CTTNBP2NL: variants seen among roughly 807,000 people sequenced by gnomAD.
CTTNBP2NL encodes the protein CTTNBP2 N-terminal like.
Under a neutral mutation model 32.5 loss-of-function variants are expected in CTTNBP2NL, and 16 were observed. The ratio of observed to expected loss-of-function variants is 0.49; its 90% confidence interval spans 0.33 to 0.75. The LOEUF is 0.75. Among genes scored for constraint, CTTNBP2NL ranks in the 30% least tolerant of loss-of-function variants. The probability of loss-of-function intolerance (pLI) is 0.02; values close to 1 mark genes in which losing one functional copy is unlikely to be tolerated. For synonymous variants in CTTNBP2NL, 298 were observed against 289.4 expected (o/e 1.03, Z -0.30); for missense variants, 645 against 756.0 (o/e 0.85, Z 1.72).
intron 3 of CTTNBP2NL, among the ~76,000 whole-genome samples, chr1:112,436,762 C>T (rs1028831445): frequency 6.6e-6 from 1 of 152,054 alleles, no homozygotes; most frequent in African/African-American, 2.4e-5. Context: ...TTTCATCACC[C>T]CTAGTACCCT....
intron 3 of CTTNBP2NL, among the ~76,000 whole-genome samples, chr1:112,434,545 A>G (rs1188686227): frequency 6.6e-6 from 1 of 152,044 alleles, no homozygotes; most frequent in Non-Finnish European, 1.5e-5. Flanking sequence ...ACACTCTGCT[A>G]CTCATCTTAT....
chr1:112,454,391 G>A (rs1321422187), intron 4 of CTTNBP2NL, 58 bp from the exon 5 acceptor site: 1 of 1,265,896 alleles, frequency 7.9e-7, no homozygotes, highest in Non-Finnish European at 1.2e-6. Context: ...ATTATTGGTT[G>A]TATTAATAAA....
intron 3 of CTTNBP2NL, among the ~76,000 whole-genome samples, chr1:112,421,453 A>C (rs1649230110): frequency 6.6e-6 from 1 of 150,702 alleles, no homozygotes; most frequent in Non-Finnish European, 1.5e-5. Context: ...GGTGTGCGCC[A>C]CCACGCCCGG....
At chr1:112,446,357 C>A (rs1465553878) in intron 3 of CTTNBP2NL, among the ~76,000 whole-genome samples, 1 of 151,826 alleles carries the variant, frequency 6.6e-6, no homozygotes, top group Admixed American at 6.6e-5. Flanking sequence ...CAGAGCCAGA[C>A]CCTGTCTCAA....
At chr1:112,405,641 G>A (rs534981169) in intron 1 of CTTNBP2NL, among the ~76,000 whole-genome samples, 69 of 152,212 alleles carry the variant, frequency 4.5e-4, no homozygotes, top group African/African-American at 1.6e-3. Context: ...CTCATTTGAG[G>A]GAAGAGATAT....
At position 112,457,357 on chromosome 1, in the gene CTTNBP2NL, A is replaced by G. The variant is rs756221036; in HGVS notation, c.1865A>G (p.Asn622Ser). 2.1e-5 allele frequency: 34 copies of G among 1,614,008 alleles called. No homozygotes were observed. Among genetic ancestry groups the G allele is most frequent in the Non-Finnish European group, 2.9e-5 (34 of 1,180,014 alleles). Residue 622 changes from asparagine to serine, a missense_variant, in exon 6 of 6, where the codon AAT becomes AGT. Physicochemically the swap from Asn to Ser is conservative, Grantham distance 46. Coordinates refer to ENST00000271277, the MANE Select transcript of CTTNBP2NL (RefSeq NM_018704.3). ...GACCTTGCCAGCAGCTGCTCTTCCA[A>G]TACTGTTGTAGCAAATGGTAAGGAT... ...AEDLASSCSSNTVVANGKDVE... is the reference protein window; with the variant it reads ...AEDLASSCSSSTVVANGKDVE...
chr1:112,438,919 C>T (rs1174344596), intron 3 of CTTNBP2NL, among the ~76,000 whole-genome samples: 3 of 152,172 alleles, frequency 2.0e-5, no homozygotes, highest in Non-Finnish European at 2.9e-5. Flanking sequence ...TTTTTACTCT[C>T]TCCCCATTTT....
chr1:112,418,073 A>T (rs1030900733), intron 3 of CTTNBP2NL, among the ~76,000 whole-genome samples: 2 of 152,160 alleles, frequency 1.3e-5, no homozygotes, highest in African/African-American at 4.8e-5. Flanking sequence ...TCTCCAGTAA[A>T]AAAAAGCTTA....
chr1:112,448,973 G>T lies in CTTNBP2NL; in HGVS notation c.131G>T (p.Arg44Leu). Residue 44 changes from arginine (R) to leucine (L), a missense_variant, in exon 4 of 6, where the codon CGC becomes CTC. Physicochemically the swap from Arg to Leu is moderately radical, Grantham distance 102. Coordinates refer to ENST00000271277, the MANE Select transcript of CTTNBP2NL (RefSeq NM_018704.3). ...AQHRDTFIEE[R>L]YGKYNISDPL... ...CACAGAGATACTTTCATTGAAGAAC[G>T]CTATGGAAAATATAACATCAGTGAT... 6.2e-7 allele frequency: 1 copy of T among 1,611,564 alleles called. No individual in the cohort carries two copies. Among genetic ancestry groups the T allele is most frequent in the Non-Finnish European group, 8.5e-7 (1 of 1,177,826 alleles).
At chr1:112,437,409 G>C (rs549834738) in intron 3 of CTTNBP2NL, among the ~76,000 whole-genome samples, 1 of 152,186 alleles carries the variant, frequency 6.6e-6, no homozygotes, top group Non-Finnish European at 1.5e-5. Context: ...AAATATGCTT[G>C]TTGGCCACAT....
intron 5 of CTTNBP2NL, among the ~76,000 whole-genome samples, chr1:112,455,027 A>T (rs1650323128): frequency 6.6e-6 from 1 of 152,214 alleles, no homozygotes; most frequent in Admixed American, 6.5e-5. Context: ...GCTACAGTAC[A>T]CATTGATGTT....
intron 2 of CTTNBP2NL, among the ~76,000 whole-genome samples, chr1:112,413,664 A>C (rs1272392999): frequency 1.3e-5 from 2 of 152,174 alleles, no homozygotes; most frequent in African/African-American, 4.8e-5. Context: ...GTTTTGTTTT[A>C]GTTTTTATTT....
intron 1 of CTTNBP2NL, among the ~76,000 whole-genome samples, chr1:112,411,760 A>C (rs1047004139): frequency 1.3e-5 from 2 of 150,954 alleles, no homozygotes; most frequent in Non-Finnish European, 2.9e-5. Flanking sequence ...TCGGCTCACT[A>C]CAAGCTCCAC....
intron 3 of CTTNBP2NL, among the ~76,000 whole-genome samples, chr1:112,437,247 A>G (rs532072322): frequency 6.6e-6 from 1 of 152,304 alleles, no homozygotes; most frequent in Admixed American, 6.5e-5. Flanking sequence ...ACTCCCACTA[A>G]TAGTGTATAA....
intron 3 of CTTNBP2NL, among the ~76,000 whole-genome samples, chr1:112,418,928 A>C: frequency 1.3e-5 from 2 of 152,182 alleles, no homozygotes; most frequent in East Asian, 1.9e-4. Context: ...CACATCTTAG[A>C]TCTGATGCAA....
chr1:112,428,666 C>A (rs190453169), intron 3 of CTTNBP2NL, among the ~76,000 whole-genome samples: 1 of 152,138 alleles, frequency 6.6e-6, no homozygotes, highest in African/African-American at 2.4e-5. Context: ...TACATATACA[C>A]ACCCATATAC....
chr1:112,437,385 T>C (rs1262954586), intron 3 of CTTNBP2NL, among the ~76,000 whole-genome samples: 1 of 152,238 alleles, frequency 6.6e-6, no homozygotes, highest in African/African-American at 2.4e-5. Context: ...TGATCAGTGA[T>C]ATTGAGCATT....
intron 3 of CTTNBP2NL, among the ~76,000 whole-genome samples, chr1:112,424,511 C>T (rs914423713): frequency 6.6e-6 from 1 of 152,146 alleles, no homozygotes; most frequent in African/African-American, 2.4e-5. Flanking sequence ...TATGGTCCTT[C>T]GCATTTCCAT....
Position 112,457,211 on chromosome 1 carries a change from A to G in CTTNBP2NL, c.1719A>G (p.Arg573=). 4 of 1,614,088 alleles carry G rather than the reference A, an allele frequency of 2.5e-6. No individual in the cohort carries two copies. The highest frequency in any genetic ancestry group is 3.4e-6 in the Non-Finnish European group (4 of 1,180,012). The change falls in exon 6 of 6, where the codon AGA becomes AGG. Residue 573 remains arginine (R), a synonymous_variant. Transcript: ENST00000271277. ...GAATCAAGTCCCCAACCATCCCCAG[A>G]GCTGAGAGAGGAAACCCTCCACCCA... is the stretch of plus-strand genomic sequence containing the variant. ...SPGIKSPTIP[R]AERGNPPPIP...
Sources: gnomAD v4.1 joint callset for allele counts (sites outside exome capture counted in the v4.1 genomes callset) on GRCh38, gnomAD v4.1.1 for gene constraint, MANE v1.5 for transcripts, NCBI Gene and HGNC (gene_info 2026-07-23, HGNC 2026-07-21) for gene names.